Variants in SCLT1 observed in about 807,000 individuals in gnomAD.
The protein encoded by SCLT1 is sodium channel-associated protein 1.
SCLT1 carries 78 observed loss-of-function variants against 112.8 expected under a neutral mutation model. The ratio of observed to expected loss-of-function variants is 0.69; its 90% confidence interval spans 0.58 to 0.83. SCLT1 has a LOEUF of 0.83. Ranked by LOEUF, SCLT1 falls within the 40% of genes least tolerant of loss-of-function variation. SCLT1 has a pLI of 0.00. For missense variants in SCLT1, 747 were observed against 770.4 expected, an observed-to-expected ratio of 0.97 and a Z score of 0.36; for synonymous variants, 257 against 254.7, an observed-to-expected ratio of 1.01 and a Z score of -0.09.
intron 2 of SCLT1, among the ~76,000 whole-genome samples, chr4:129,069,705 G>C (rs112771563): frequency 1.1e-3 from 166 of 152,220 alleles, no homozygotes; most frequent in African/African-American, 3.9e-3. Flanking sequence ...AGCAAACAGT[G>C]ACAGTTTCAC....
chr4:128,897,744 C>T (rs941281759), intron 18 of SCLT1, among the ~76,000 whole-genome samples: 6 of 152,134 alleles, frequency 3.9e-5, no homozygotes, highest in Non-Finnish European at 7.3e-5. Context: ...GATAAAGAGT[C>T]AAGACACATC....
At chr4:128,940,305 A>T (rs1023892194) in intron 17 of SCLT1, among the ~76,000 whole-genome samples, 3 of 151,772 alleles carry the variant, frequency 2.0e-5, no homozygotes, top group Non-Finnish European at 4.4e-5. Flanking sequence ...ACCCATGATT[A>T]AAAAAAAGAA....
chr4:129,083,539 C>T (rs1167426660), intron 1 of SCLT1, among the ~76,000 whole-genome samples: 1 of 151,126 alleles, frequency 6.6e-6, no homozygotes, highest in African/African-American at 2.4e-5. Flanking sequence ...TGCCTATAAT[C>T]TCACTGCTTT....
intron 8 of SCLT1, among the ~76,000 whole-genome samples, 195 bp downstream of exon 8, chr4:128,997,679 T>C (rs568720593): frequency 1.6e-4 from 24 of 152,002 alleles, no homozygotes; most frequent in African/African-American, 5.5e-4. Context: ...CAGATTAAGA[T>C]ATATTTCAGA....
rs1733275577 is a variant in SCLT1 at position 128,891,072 on chromosome 4, T to C, written c.1895A>G (p.Glu632Gly). The C allele has an allele frequency of 6.2e-7, 1 of 1,612,614 alleles. No individual in the cohort carries two copies. ...TCATTATCTCACCTCAGCTACCTTT[T>C]CATTTGCCATTTCCAGCTGAGAAAG... ...ELLSQLEMAN[E>G]KVAENEKLIL... Residue 632 changes from glutamate (E) to glycine (G), a missense_variant, in exon 19 of 21, where the codon GAA (glutamate) becomes GGA (glycine). By Grantham distance (98) the Glu-to-Gly change is moderately conservative. Coordinates refer to ENST00000281142, the MANE Select transcript of SCLT1 (RefSeq NM_144643.4).
At chr4:129,021,936 C>T (rs1280414011) in intron 5 of SCLT1, among the ~76,000 whole-genome samples, 3 of 152,148 alleles carry the variant, frequency 2.0e-5, no homozygotes, top group Admixed American at 6.5e-5. Flanking sequence ...GGCATCAGGC[C>T]GGTGACTCTC....
chr4:128,995,882 C>G lies in SCLT1; in HGVS notation c.615+1992G>C, dbSNP rs73847350. On this transcript the variant is annotated intron_variant, in intron 8 of 20. Coordinates refer to ENST00000281142, the MANE Select transcript of SCLT1 (RefSeq NM_144643.4). ...AGGGGAAAGTTGAGAACTGAATTTTCATCTACTTACTCTGTGCTGAGAAGA... is the reference window on the plus strand; with the variant it reads ...AGGGGAAAGTTGAGAACTGAATTTTGATCTACTTACTCTGTGCTGAGAAGA... Among the ~76,000 whole-genome samples the G allele has an allele frequency of 5.5e-3, 838 of 152,154 alleles. 6 individuals carry two copies. Among genetic ancestry groups the G allele is most frequent in the African/African-American group, 0.019 (795 of 41,508 alleles).
Position 128,970,478 on chromosome 4 carries a change from A to G in SCLT1, c.687-10T>C, listed in dbSNP as rs759746471. ...CTCTAATTTGGCTTGCCTAAAAAAT[A>G]AAGTAAATTAATAAACACTGTTTTC... On this transcript the variant is annotated splice_polypyrimidine_tract_variant and intron_variant, in intron 9 of 20. Transcript: ENST00000281142. The G allele has an allele frequency of 7.6e-6, 11 of 1,452,456 alleles. No homozygotes were observed. In the Admixed American group the frequency reaches 1.9e-4, roughly 24 times the overall value. 90.0% of individuals were successfully genotyped at this position (1,452,456 alleles called of 1,614,324 possible).
intron 2 of SCLT1, among the ~76,000 whole-genome samples, chr4:129,062,058 G>A (rs929296684): frequency 6.6e-5 from 10 of 151,578 alleles, no homozygotes; most frequent in Admixed American, 2.6e-4. Flanking sequence ...GTCCGTAGGA[G>A]TTAATGCAGG....
rs73850028 is a variant in SCLT1 at position 128,913,192 on chromosome 4, C to T, written c.1830-22055G>A. 3.9e-5 allele frequency among the ~76,000 whole-genome samples: 6 copies of T among 152,216 alleles called. No homozygotes were observed. The South Asian group carries it at 1.2e-3, about 32-fold the overall frequency. ...TGGAAAATTGTTTTTTAAAACAATTCTTTGTATTTAACTGAACATCTAACA... is the reference window on the plus strand; with the variant it reads ...TGGAAAATTGTTTTTTAAAACAATTTTTTGTATTTAACTGAACATCTAACA... On this transcript the variant is annotated intron_variant, in intron 18 of 20. Coordinates refer to ENST00000281142, the MANE Select transcript of SCLT1 (RefSeq NM_144643.4).
chr4:128,969,514 G>A (rs1266405838), intron 10 of SCLT1, among the ~76,000 whole-genome samples: 2 of 152,164 alleles, frequency 1.3e-5, no homozygotes, highest in African/African-American at 4.8e-5. Context: ...AGAGCTGACA[G>A]TGAGCCGAGA....
At chr4:129,035,424 A>G (rs1446892507) in intron 5 of SCLT1, among the ~76,000 whole-genome samples, 1 of 152,108 alleles carries the variant, frequency 6.6e-6, no homozygotes, top group Non-Finnish European at 1.5e-5. Context: ...TTCCTGGCAA[A>G]AAGACATAAA....
intron 15 of SCLT1, among the ~76,000 whole-genome samples, chr4:128,946,527 T>C (rs1738180822): frequency 6.6e-6 from 1 of 152,136 alleles, no homozygotes; most frequent in Admixed American, 6.5e-5. Flanking sequence ...GCCATGATCA[T>C]GTCCACTGTA....
At chr4:128,949,678 C>T (rs1337481540) in intron 14 of SCLT1, among the ~76,000 whole-genome samples, 1 of 151,996 alleles carries the variant, frequency 6.6e-6, no homozygotes, top group African/African-American at 2.4e-5. Context: ...TGGTTTCCAG[C>T]TTCATCCATG....
At chr4:129,005,684 A>G (rs1743937158) in intron 5 of SCLT1, among the ~76,000 whole-genome samples, 1 of 152,038 alleles carries the variant, frequency 6.6e-6, no homozygotes, top group African/African-American at 2.4e-5. Context: ...CCAAAGGACT[A>G]TAAATCATGC....
At chr4:129,040,875 T>C (rs1414999716) in intron 4 of SCLT1, among the ~76,000 whole-genome samples, 1 of 152,168 alleles carries the variant, frequency 6.6e-6, no homozygotes, top group Non-Finnish European at 1.5e-5. Context: ...GGAGCAATTA[T>C]TTTTATCATC....
chr4:128,977,609 T>G (rs1741291576), intron 9 of SCLT1, among the ~76,000 whole-genome samples: 1 of 152,072 alleles, frequency 6.6e-6, no homozygotes, highest in Admixed American at 6.6e-5. Context: ...AGCTACGACC[T>G]AAAGGATGAT....
chr4:128,902,676 CT>C (rs2125936917), intron 18 of SCLT1, among the ~76,000 whole-genome samples: 1 of 152,290 alleles, frequency 6.6e-6, no homozygotes, highest in East Asian at 1.9e-4. Flanking sequence ...CTTCTGTAGA[CT>C]TTACAAACAC....
intron 14 of SCLT1, among the ~76,000 whole-genome samples, chr4:128,951,494 A>T (rs982934810): frequency 6.6e-5 from 10 of 152,176 alleles, no homozygotes; most frequent in African/African-American, 2.4e-4. Context: ...CACAGCTAAC[A>T]ACGATTTGAA....
Sources: gnomAD v4.1 joint callset for allele counts (sites outside exome capture counted in the v4.1 genomes callset) on GRCh38, gnomAD v4.1.1 for gene constraint, MANE v1.5 for transcripts, NCBI Gene and HGNC (gene_info 2026-07-23, HGNC 2026-07-21) for gene names.